NCAPD2: variants seen among roughly 807,000 people sequenced by gnomAD.
NCAPD2 encodes non-SMC condensin I complex subunit D2, also known as condensin complex subunit 1.
A neutral mutation model predicts 164.5 loss-of-function variants in NCAPD2; 100 were observed. That is an observed-to-expected ratio of 0.61 (90% CI 0.52 to 0.72). NCAPD2 has a LOEUF of 0.72. Ranked by LOEUF, NCAPD2 falls within the 30% of genes least tolerant of loss-of-function variation. NCAPD2 has a pLI of 0.00. For missense variants in NCAPD2, 1,560 were observed against 1,749.2 expected (o/e 0.89, Z 1.93); for synonymous variants, 585 against 642.6 (o/e 0.91, Z 1.36).
At position 6,528,569 on chromosome 12, in the gene NCAPD2, T is replaced by G; in HGVS notation, c.3300-110T>G. ...AACTCTAGACAGCTTTCTGACTGCT[T>G]CTGGAGTGGCAGAGCATGGGATAAT... On this transcript the variant is annotated intron_variant, in intron 25 of 31. Transcript: ENST00000315579. This position sits in a 1 kb window ranked among gnomAD's most constrained non-coding sequence, Gnocchi z 5.1. The G allele has an allele frequency of 1.5e-6, 2 of 1,323,424 alleles. No individual in the cohort carries two copies. The highest frequency in any genetic ancestry group is 2.1e-6 in the Non-Finnish European group (2 of 955,672). 82.0% of individuals were successfully genotyped at this position (1,323,424 alleles called of 1,614,324 possible). A position where few individuals can be genotyped will look rare whatever the true frequency, so the allele number is the denominator to read the frequency against.
rs1946286347 is a variant in NCAPD2 at position 6,523,402 on chromosome 12, T to TTTTG, written c.2214+59_2214+60insGTTT. On this transcript the variant is annotated intron_variant, in intron 17 of 31. Transcript: ENST00000315579. ...CATTCAACAAGTATTTTGGTTGTTT[T>TTTTG]TTTTTTTTTTTTTGAGACGGAGTCA... 3 of 1,397,018 alleles carry TTTTG rather than the reference T, an allele frequency of 2.1e-6. No individual in the cohort carries two copies. In the Admixed American group the frequency reaches 6.2e-5, roughly 29 times the overall value. The allele number at this position is 1,397,018 out of a possible 1,614,324, so 86.5% of individuals were successfully genotyped here.
chr12:6,520,617 C>T lies in NCAPD2; in HGVS notation c.1590-369C>T, dbSNP rs554551528. On this transcript the variant is annotated intron_variant, in intron 13 of 31. Coordinates refer to ENST00000315579, the MANE Select transcript of NCAPD2 (RefSeq NM_014865.4). ...CATAGAATCTTATTGTCTGGATGTG[C>T]CTGAATTAACTAATTATTGAAAGTT... 1.1e-4 allele frequency among the ~76,000 whole-genome samples: 17 copies of T among 152,228 alleles called. No homozygotes were observed. In the South Asian group the frequency reaches 1.2e-3, roughly 11 times the overall value.
rs745311621 is a variant in NCAPD2 at position 6,529,750 on chromosome 12, C to T, written c.3654-25C>T. 5 of 1,604,674 alleles carry T rather than the reference C, an allele frequency of 3.1e-6. No homozygotes were observed. The African/African-American group carries it at 5.3e-5, about 17-fold the overall frequency. ...CTTTACTAGCTGGATCTCCCAGTTC[C>T]TCACAAAGCCCTTCCTATCTGCAGA... On this transcript the variant is annotated intron_variant, in intron 28 of 31. Coordinates refer to ENST00000315579, the MANE Select transcript of NCAPD2 (RefSeq NM_014865.4).
In NCAPD2 at chr12:6,530,950, G is replaced by C; in HGVS notation, c.3994G>C (p.Ala1332Pro). 1.2e-6 allele frequency: 2 copies of C among 1,614,156 alleles called. No individual in the cohort carries two copies. Among genetic ancestry groups the C allele is most frequent in the Non-Finnish European group, 1.7e-6 (2 of 1,180,040 alleles). ...TAGGTACCAGCCTCTGGCTTCTACA[G>C]CCTCAGACAATGACTTTGTCACACC... is the stretch of plus-strand genomic sequence containing the variant. The part of the protein sequence containing the change: ...GSRYQPLAST[A>P]SDNDFVTPEP... Residue 1332 changes from alanine (A) to proline (P), a missense_variant, in exon 31 of 32, where the codon GCC becomes CCC. Ala to Pro is a conservative substitution (Grantham distance 27). Coordinates refer to ENST00000315579, the MANE Select transcript of NCAPD2 (RefSeq NM_014865.4).
At chr12:6,525,511 T>C in intron 17 of NCAPD2, 72 bp from the exon 18 acceptor site, 1 of 1,537,192 alleles carries the variant, frequency 6.5e-7, no homozygotes, top group Non-Finnish European at 8.8e-7. Context: ...CGCAATATCA[T>C]CTTCAGAAAA....
intron 3 of NCAPD2, 137 bp downstream of exon 3, chr12:6,509,929 T>C: frequency 1.6e-6 from 2 of 1,249,464 alleles, no homozygotes; most frequent in Non-Finnish European, 2.3e-6. Flanking sequence ...CTGATGAGCA[T>C]GTACCCAGCT....
rs7309414 is a variant in NCAPD2 at position 6,509,705 on chromosome 12, C to T, written c.128-12C>T. 0.18 allele frequency: 287,765 copies of T among 1,610,744 alleles called. 27,253 individuals carry two copies. Among genetic ancestry groups the T allele is most frequent in the East Asian group, 0.28 (12,575 of 44,828 alleles). ...TTCCCTCCAAATTGATTTGTTTTTT[C>T]CATCTTCATAGCTTTTCAGGCTGCC... On this transcript the variant is annotated splice_polypyrimidine_tract_variant and intron_variant, in intron 2 of 31. Transcript: ENST00000315579.
chr12:6,514,603 C>T lies in NCAPD2; in HGVS notation c.839+16C>T, dbSNP rs770229994. On this transcript the variant is annotated intron_variant, in intron 8 of 31. Coordinates refer to ENST00000315579, the MANE Select transcript of NCAPD2 (RefSeq NM_014865.4). ...AGATTGTAAGGTGACTCTTCCTTCT[C>T]GAAGTTTCTCATGCTTATTTTCCTT... is the stretch of plus-strand genomic sequence containing the variant. The T allele has an allele frequency of 2.6e-5, 42 of 1,613,798 alleles. 1 individual carries two copies. In the East Asian group the frequency reaches 5.1e-4, roughly 20 times the overall value.
intron 6 of NCAPD2, among the ~76,000 whole-genome samples, chr12:6,512,816 G>T (rs1350038346): frequency 6.6e-6 from 1 of 152,220 alleles, no homozygotes; most frequent in Non-Finnish European, 1.5e-5. Context: ...TGGCAGTGGA[G>T]ATGGGGAGAA....
chr12:6,521,748 C>T lies in NCAPD2; in HGVS notation c.1715-50C>T, dbSNP rs141768370. On this transcript the variant is annotated intron_variant, in intron 14 of 31. Transcript: ENST00000315579. ...CAGGAATGTTGACAGCTGTTGGATTCCCCTGTATCCCCTTGAACGAAACCA... is the reference window on the plus strand; with the variant it reads ...CAGGAATGTTGACAGCTGTTGGATTTCCCTGTATCCCCTTGAACGAAACCA... 4.4e-4 allele frequency: 703 copies of T among 1,589,784 alleles called. 6 individuals are homozygous for T. In the East Asian group the frequency reaches 0.013, roughly 30 times the overall value.
chr12:6,522,036 A>C lies in NCAPD2; in HGVS notation c.1953A>C (p.Thr651=), dbSNP rs1415183097. ...AGATGATGTATGAAAACACAACTAC[A>C]GGTATGCCAGAGTCCCTTTCTATAA... is the stretch of plus-strand genomic sequence containing the variant. ...ISKMMYENTT[T]VVQEVIEFFV... The change falls in exon 15 of 32, where the codon ACA becomes ACC. Residue 651 remains threonine (T), a splice_region_variant and synonymous_variant. Coordinates refer to ENST00000315579, the MANE Select transcript of NCAPD2 (RefSeq NM_014865.4). 1 of 1,613,636 alleles carries C rather than the reference A, an allele frequency of 6.2e-7. No homozygotes were observed. The highest frequency in any genetic ancestry group is 8.5e-7 in the Non-Finnish European group (1 of 1,179,596).
Position 6,528,879 on chromosome 12 carries a change from G to T in NCAPD2, c.3477+23G>T. 1 of 1,613,054 alleles carries T rather than the reference G, an allele frequency of 6.2e-7. No individual in the cohort carries two copies. The highest frequency in any genetic ancestry group is 1.1e-5 in the South Asian group (1 of 91,072). ...AAGGTGAGAGGCAGAGAGGCACTGA[G>T]GGCTGGCTGCAGAGGGAATCTGTAG... is the stretch of plus-strand genomic sequence containing the variant. On this transcript the variant is annotated intron_variant, in intron 26 of 31. Coordinates refer to ENST00000315579, the MANE Select transcript of NCAPD2 (RefSeq NM_014865.4). This position sits in a 1 kb window ranked among gnomAD's most constrained non-coding sequence, Gnocchi z 5.1.
In NCAPD2 at chr12:6,528,589, G is replaced by A. The variant is rs1465285026; in HGVS notation, c.3300-90G>A. The A allele has an allele frequency of 5.6e-6, 8 of 1,417,992 alleles. No individual in the cohort carries two copies. The highest frequency in any genetic ancestry group is 4.6e-5 in the East Asian group (2 of 43,598). 87.8% of individuals were successfully genotyped at this position (1,417,992 alleles called of 1,614,324 possible). On this transcript the variant is annotated intron_variant, in intron 25 of 31. Transcript: ENST00000315579. This position sits in a 1 kb window ranked among gnomAD's most constrained non-coding sequence, Gnocchi z 5.1. Reference sequence around the variant, plus strand: ...CTGCTTCTGGAGTGGCAGAGCATGGGATAATTGATTCCTGCTGAGGGCCTT... The same window carrying A: ...CTGCTTCTGGAGTGGCAGAGCATGGAATAATTGATTCCTGCTGAGGGCCTT...
At chr12:6,504,077 C>G (rs944556288) in intron 2 of NCAPD2, among the ~76,000 whole-genome samples, 1 of 151,308 alleles carries the variant, frequency 6.6e-6, no homozygotes, top group Non-Finnish European at 1.5e-5. Flanking sequence ...GATTATATTT[C>G]CAACACATGA....
At chr12:6,502,382 A>C (rs953631628) in intron 2 of NCAPD2, among the ~76,000 whole-genome samples, 5 of 152,216 alleles carry the variant, frequency 3.3e-5, no homozygotes, top group African/African-American at 9.6e-5. Flanking sequence ...TTATGAGCAG[A>C]GGATAGGTGT....
rs1592177116 is a variant in NCAPD2, at chr12:6,526,306, A to T, written c.2501A>T (p.His834Leu). ...DRRKPSLGKR[H>L]PPFRLPQEHR... ...CCACAGCCTTCTCTGGGCAAACGTC[A>T]CCCCCCCTTCCGGCTGCCTCAGGAA... Residue 834 changes from histidine (H) to leucine (L), a missense_variant, in exon 20 of 32, where the codon CAC becomes CTC. By Grantham distance (99) the His-to-Leu change is moderately conservative. Coordinates refer to ENST00000315579, the MANE Select transcript of NCAPD2 (RefSeq NM_014865.4). The T allele has an allele frequency of 6.2e-7, 1 of 1,613,528 alleles. No homozygotes were observed. Among genetic ancestry groups the T allele is most frequent in the Non-Finnish European group, 8.5e-7 (1 of 1,179,888 alleles).
At chr12:6,500,283 AAAG>A (rs746832493) in intron 2 of NCAPD2, among the ~76,000 whole-genome samples, 4 of 152,176 alleles carry the variant, frequency 2.6e-5, no homozygotes, top group African/African-American at 9.6e-5. Flanking sequence ...TAAATAATAT[AAAG>A]AAGAAGATAG....
At chr12:6,506,470 GTCCCAGCTAC>G (rs1565540238) in intron 2 of NCAPD2, among the ~76,000 whole-genome samples, 2 of 151,824 alleles carry the variant, frequency 1.3e-5, no homozygotes, top group Non-Finnish European at 2.9e-5. Flanking sequence ...GGCGCCGGTA[GTCCCAGCTAC>G]TCGGGAGGCT....
At chr12:6,529,669 C>A in intron 28 of NCAPD2, 76 bp downstream of exon 28, 1 of 1,601,342 alleles carries the variant, frequency 6.2e-7, no homozygotes, top group Non-Finnish European at 8.6e-7. Flanking sequence ...CTCACCCCTT[C>A]AATGCCCCCA....
Sources: gnomAD v4.1 joint callset for allele counts (sites outside exome capture counted in the v4.1 genomes callset) on GRCh38, gnomAD v4.1.1 for gene constraint, Gnocchi (gnomAD v3.1) non-coding constraint, MANE v1.5 for transcripts, NCBI Gene and HGNC (gene_info 2026-07-23, HGNC 2026-07-21) for gene names.